FNTA: variants seen among roughly 807,000 people sequenced by gnomAD.
The protein encoded by FNTA is protein farnesyltransferase/geranylgeranyltransferase type-1 subunit alpha.
Under a neutral mutation model 55.2 loss-of-function variants are expected in FNTA, and 27 were observed. The ratio of observed to expected loss-of-function variants is 0.49; its 90% confidence interval spans 0.36 to 0.67. FNTA has a LOEUF of 0.67. Among genes scored for constraint, FNTA ranks in the 30% least tolerant of loss-of-function variants. The pLI is 0.00. For synonymous variants in FNTA, 176 were observed against 170.7 expected (o/e 1.03, Z -0.24); for missense variants, 422 against 464.7 (o/e 0.91, Z 0.85).
chr8:43,074,305 C>T (rs1434773564), intron 5 of FNTA, among the ~76,000 whole-genome samples: 3 of 152,174 alleles, frequency 2.0e-5, no homozygotes, highest in Admixed American at 1.3e-4. Context: ...AAGTGGATCC[C>T]GTGAGGCCAG....
chr8:43,063,377 A>G (rs1047188395), intron 2 of FNTA: 28 of 453,318 alleles, frequency 6.2e-5, no homozygotes, highest in Non-Finnish European at 2.7e-5. Flanking sequence ...CCCAATAAAT[A>G]TCCTTGAATA....
intron 5 of FNTA, 31 bp downstream of exon 5, chr8:43,072,338 A>ATTT: frequency 7.4e-7 from 1 of 1,353,292 alleles, no homozygotes; most frequent in Admixed American, 2.7e-5. Flanking sequence ...TGTTTTTCAG[A>ATTT]TTTTTTTTTT....
intron 4 of FNTA, chr8:43,070,469 T>C (rs1563327943): frequency 6.6e-6 from 1 of 152,208 alleles, no homozygotes. Flanking sequence ...ACTAAAGTTA[T>C]TTACCCTGTG....
At chr8:43,082,201 G>T (rs1425728146) in intron 6 of FNTA, 1 of 152,182 alleles carries the variant, frequency 6.6e-6, no homozygotes, top group Non-Finnish European at 1.5e-5. Flanking sequence ...CTTGGGATTT[G>T]TGATAATTGA....
chr8:43,056,420 A>G lies in FNTA; in HGVS notation c.74A>G (p.Gln25Arg). The G allele has an allele frequency of 2.0e-6, 3 of 1,527,718 alleles. No homozygotes were observed. Among genetic ancestry groups the G allele is most frequent in the East Asian group, 2.6e-5 (1 of 38,352 alleles). 94.6% of individuals were successfully genotyped at this position (1,527,718 alleles called of 1,614,324 possible). The part of the protein sequence containing the change: ...EPGQPAQPPP[Q>R]PHPPPPQQQH... ...GGGCAGCCGGCGCAACCCCCGCCCC[A>G]GCCGCACCCACCGCCGCCCCAGCAG... Residue 25 changes from glutamine to arginine, a missense_variant, in exon 1 of 9, where the codon CAG (glutamine) becomes CGG (arginine). Gln to Arg is a conservative substitution (Grantham distance 43). Transcript: ENST00000302279.
intron 2 of FNTA, among the ~76,000 whole-genome samples, chr8:43,061,551 G>A (rs1260716659): frequency 6.6e-6 from 1 of 152,138 alleles, no homozygotes; most frequent in African/African-American, 2.4e-5. Flanking sequence ...GAAGCTATAT[G>A]TCTATCTTTT....
At chr8:43,062,869 C>G (rs1290389228) in intron 2 of FNTA, among the ~76,000 whole-genome samples, 1 of 152,168 alleles carries the variant, frequency 6.6e-6, no homozygotes, top group Admixed American at 6.5e-5. Context: ...CAACATCCAT[C>G]CCACTTCAGA....
chr8:43,074,550 TACAC>T lies in FNTA; in HGVS notation c.633+2260_633+2263del, dbSNP rs10543932. 3.5e-3 allele frequency among the ~76,000 whole-genome samples: 530 copies of T among 150,280 alleles called. 4 individuals are homozygous for T. The highest frequency in any genetic ancestry group is 0.011 in the African/African-American group (445 of 40,888). ...AAAAGAAAAAAAATTAAAAGTGAAA[TACAC>T]ACACACACACACACACTACTACTCA... On this transcript the variant is annotated intron_variant, in intron 5 of 8. Transcript: ENST00000302279.
At chr8:43,063,295 A>G (rs1810579445) in intron 2 of FNTA, 1 of 455,946 alleles carries the variant, frequency 2.2e-6, no homozygotes, top group Middle Eastern at 3.3e-4. Flanking sequence ...TGCCCAGGCT[A>G]ATTTTAAACT....
At position 43,059,196 on chromosome 8, in the gene FNTA, G is replaced by A. The variant is rs1360724762; in HGVS notation, c.286+19G>A. On this transcript the variant is annotated intron_variant, in intron 2 of 8. Coordinates refer to ENST00000302279, the MANE Select transcript of FNTA (RefSeq NM_002027.3). ...GACAAATGTAAGTTTGTTTATATTA[G>A]GAAAAGGTCTGTAAGTTAAATATAG... 11 of 1,559,348 alleles carry A rather than the reference G, an allele frequency of 7.1e-6. No homozygotes were observed. The highest frequency in any genetic ancestry group is 8.8e-6 in the Non-Finnish European group (10 of 1,136,080).
intron 2 of FNTA, 67 bp downstream of exon 2, chr8:43,059,244 T>C (rs1172183376): frequency 4.6e-6 from 5 of 1,084,040 alleles, no homozygotes; most frequent in Non-Finnish European, 6.8e-6. Flanking sequence ...AATTCACAAC[T>C]ATGTAGCAAG....
intron 8 of FNTA, 127 bp downstream of exon 8, chr8:43,085,008 G>A: frequency 8.7e-7 from 1 of 1,149,744 alleles, no homozygotes; most frequent in Non-Finnish European, 1.3e-6. Context: ...TTCTGGTTAG[G>A]GGCAGCATTG....
In FNTA at chr8:43,069,755, C is replaced by T. The variant is rs377369408; in HGVS notation, c.506+96C>T. The T allele has an allele frequency of 3.3e-5, 23 of 703,182 alleles. No homozygotes were observed. The African/African-American group carries it at 3.4e-4, about 10-fold the overall frequency. 43.6% of individuals were successfully genotyped at this position (703,182 alleles called of 1,614,324 possible). Reference sequence around the variant, plus strand: ...TGCCTCCTGGGTTCAAGTGATTCTCCAGCTTCAGCCTCCTGGGTAGCTGGG... The same window carrying T: ...TGCCTCCTGGGTTCAAGTGATTCTCTAGCTTCAGCCTCCTGGGTAGCTGGG... On this transcript the variant is annotated intron_variant, in intron 4 of 8. Coordinates refer to ENST00000302279, the MANE Select transcript of FNTA (RefSeq NM_002027.3).
chr8:43,085,131 T>A, intron 8 of FNTA, 29 bp from the exon 9 acceptor site: 2 of 1,488,958 alleles, frequency 1.3e-6, no homozygotes, highest in South Asian at 2.5e-5. Context: ...GAATTACATA[T>A]TACTTTAATT....
intron 1 of FNTA, chr8:43,056,765 C>T (rs927223287): frequency 2.7e-5 from 5 of 183,440 alleles, no homozygotes. Flanking sequence ...AGCGAGGTCT[C>T]GGCTTTCCGC....
At chr8:43,062,688 G>A (rs927112724) in intron 2 of FNTA, among the ~76,000 whole-genome samples, 2 of 152,114 alleles carry the variant, frequency 1.3e-5, no homozygotes, top group African/African-American at 4.8e-5. Flanking sequence ...AGTGTTACAG[G>A]CTAAAAGGAA....
chr8:43,058,926 A>G (rs566567399), intron 1 of FNTA, 166 bp from the exon 2 acceptor site: 1 of 489,242 alleles, frequency 2.0e-6, no homozygotes, highest in Non-Finnish European at 3.6e-6. Flanking sequence ...AATGTGTAAA[A>G]CATATTGGCA....
At chr8:43,059,439 TTTC>T (rs1222970391) in intron 2 of FNTA, among the ~76,000 whole-genome samples, 2 of 152,334 alleles carry the variant, frequency 1.3e-5, no homozygotes, top group African/African-American at 4.8e-5. Context: ...TGATTGTGGT[TTTC>T]TTTTCTTTGC....
At chr8:43,084,570 C>A (rs969051307) in intron 7 of FNTA, 140 bp from the exon 8 acceptor site, 1 of 647,142 alleles carries the variant, frequency 1.5e-6, no homozygotes. Context: ...TTAAAAGTTT[C>A]ATTATAGTTT....
Sources: gnomAD v4.1 joint callset for allele counts (sites outside exome capture counted in the v4.1 genomes callset) on GRCh38, gnomAD v4.1.1 for gene constraint, MANE v1.5 for transcripts, NCBI Gene and HGNC (gene_info 2026-07-23, HGNC 2026-07-21) for gene names.